OSBP2: variants seen among roughly 807,000 people sequenced by gnomAD.
OSBP2 encodes the protein oxysterol-binding protein 2.
In OSBP2, 66 loss-of-function variants were observed where a neutral mutation model predicts 96.0. That is an observed-to-expected ratio of 0.69 (90% confidence interval 0.56 to 0.84). The LOEUF (loss-of-function observed/expected upper bound fraction) is 0.84. OSBP2 is among the 40% of genes least tolerant of loss of function. The probability of loss-of-function intolerance (pLI) is 0.00; values close to 1 mark genes in which losing one functional copy is unlikely to be tolerated. For missense variants in OSBP2, 1,038 were observed against 1,222.7 expected (o/e 0.85, Z 2.25); for synonymous variants, 525 against 520.9 (o/e 1.01, Z -0.11).
chr22:30,806,139 C>T (rs1245191799), intron 2 of OSBP2, among the ~76,000 whole-genome samples: 1 of 152,190 alleles, frequency 6.6e-6, no homozygotes, highest in Non-Finnish European at 1.5e-5. Context: ...CCTTATTATA[C>T]AAATGAAGAG....
In OSBP2 at chr22:30,905,779, G is replaced by A. The variant is rs1472136864; in HGVS notation, c.2376-58G>A. On this transcript the variant is annotated intron_variant, in intron 12 of 13. Transcript: ENST00000332585. Reference sequence around the variant, plus strand: ...ACCGCCAGGCAGGGGAGGGCGGCCGGGTAGGTGTGGTCCGGCTCACACCGC... The same window carrying A: ...ACCGCCAGGCAGGGGAGGGCGGCCGAGTAGGTGTGGTCCGGCTCACACCGC... 14 of 1,597,636 alleles carry A rather than the reference G, an allele frequency of 8.8e-6. No individual in the cohort carries two copies. The South Asian group carries it at 1.3e-4, about 15-fold the overall frequency.
At chr22:30,898,448 G>A (rs1281139938) in intron 12 of OSBP2, among the ~76,000 whole-genome samples, 1 of 152,128 alleles carries the variant, frequency 6.6e-6, no homozygotes, top group Non-Finnish European at 1.5e-5. Flanking sequence ...ACCAGAGACT[G>A]GGTAATTTAT....
intron 3 of OSBP2, among the ~76,000 whole-genome samples, chr22:30,872,846 G>A (rs532821417): frequency 7.2e-5 from 11 of 152,318 alleles, no homozygotes; most frequent in Non-Finnish European, 1.3e-4. Flanking sequence ...GGCTGTTTGC[G>A]TGGCTCTCAG....
At chr22:30,838,286 G>A (rs1266485294) in intron 2 of OSBP2, among the ~76,000 whole-genome samples, 1 of 152,136 alleles carries the variant, frequency 6.6e-6, no homozygotes, top group Admixed American at 6.6e-5. Context: ...TCCAACTTGT[G>A]TTCCAGTGTT....
At chr22:30,856,667 A>G (rs1057166585) in intron 2 of OSBP2, among the ~76,000 whole-genome samples, 3 of 152,154 alleles carry the variant, frequency 2.0e-5, no homozygotes, top group African/African-American at 7.2e-5. Context: ...GATTACAGGC[A>G]TGAGCCACCA....
chr22:30,727,583 A>G (rs1475530202), intron 1 of OSBP2, among the ~76,000 whole-genome samples: 1 of 152,160 alleles, frequency 6.6e-6, no homozygotes, highest in Non-Finnish European at 1.5e-5. Context: ...TGATACCTGG[A>G]CACTGCATGT....
chr22:30,810,636 C>G (rs915427960), intron 2 of OSBP2, among the ~76,000 whole-genome samples: 1 of 152,188 alleles, frequency 6.6e-6, no homozygotes, highest in African/African-American at 2.4e-5. Context: ...TATACCTGAG[C>G]CCCCGCCCCC....
chr22:30,902,587 T>G lies in OSBP2; in HGVS notation c.2376-3250T>G. 15 of 789,580 alleles carry G rather than the reference T, an allele frequency of 1.9e-5. No homozygotes were observed. The South Asian group carries it at 2.1e-4, about 11-fold the overall frequency. The allele number at this position is 789,580 out of a possible 1,614,324, so 48.9% of individuals were successfully genotyped here. On this transcript the variant is annotated intron_variant, in intron 12 of 13. Transcript: ENST00000332585. The stretch of plus-strand genomic sequence containing the variant: ...ACAGGCCCCCAACTGGGCAGCCACT[T>G]CAGAGATGGTCCTCCCTTCCACGAT...
At chr22:30,827,425 G>C (rs1392532271) in intron 2 of OSBP2, among the ~76,000 whole-genome samples, 1 of 152,174 alleles carries the variant, frequency 6.6e-6, no homozygotes, top group Admixed American at 6.5e-5. Flanking sequence ...TTGGCCTAAG[G>C]TGGTGAGAAT....
At chr22:30,764,010 G>A (rs1366660851) in intron 2 of OSBP2, among the ~76,000 whole-genome samples, 3 of 152,204 alleles carry the variant, frequency 2.0e-5, no homozygotes, top group Admixed American at 1.3e-4. Flanking sequence ...CAGGTTGGCT[G>A]GCTTGCAACA....
chr22:30,872,523 A>C, intron 3 of OSBP2: 2 of 377,688 alleles, frequency 5.3e-6, no homozygotes, highest in South Asian at 2.0e-5. Flanking sequence ...TTTTATGAGA[A>C]GCACAACCCC....
intron 1 of OSBP2, among the ~76,000 whole-genome samples, chr22:30,703,231 T>C (rs565028085): frequency 1.1e-4 from 17 of 152,240 alleles, no homozygotes; most frequent in African/African-American, 4.1e-4. Context: ...TGAAGTGCAG[T>C]GGCAAAATCT....
At chr22:30,884,399 G>C (rs776800586) in intron 3 of OSBP2, among the ~76,000 whole-genome samples, 17 of 152,160 alleles carry the variant, frequency 1.1e-4, no homozygotes, top group Non-Finnish European at 2.4e-4. Context: ...GGGCTCAGAG[G>C]GTCCAAGGGG....
chr22:30,902,043 A>G (rs1174338603), intron 12 of OSBP2, among the ~76,000 whole-genome samples: 1 of 151,678 alleles, frequency 6.6e-6, no homozygotes, highest in Non-Finnish European at 1.5e-5. Context: ...GCATGAAGGA[A>G]TATATACAGT....
At position 30,694,961 on chromosome 22, in the gene OSBP2, C is replaced by T. The variant is rs1308802853; in HGVS notation, c.52C>T (p.Arg18Cys). Residue 18 changes from arginine to cysteine, a missense_variant, in exon 1 of 14, where the codon CGC (arginine) becomes TGC (cysteine). Around this residue, in one of 3 missense-constraint regions of OSBP2, gnomAD observed 20 missense variants for 36.0 expected, o/e 0.55. Coordinates refer to ENST00000332585, the MANE Select transcript of OSBP2 (RefSeq NM_030758.4). ...AGGCGGCGGCTGTGGCGGCCGCTCC[C>T]GCGGGCTCTCGTCGCTGTTCACGGT... ...SRGGGCGGRS[R>C]GLSSLFTVVP... 2.7e-6 allele frequency: 4 copies of T among 1,493,316 alleles called. No individual in the cohort carries two copies. The highest frequency in any genetic ancestry group is 3.5e-6 in the Non-Finnish European group (4 of 1,129,156). The allele number at this position is 1,493,316 out of a possible 1,614,324, so 92.5% of individuals were successfully genotyped here. A position where few individuals can be genotyped will look rare whatever the true frequency, so the allele number is the denominator to read the frequency against.
chr22:30,773,403 G>A (rs192868798), intron 2 of OSBP2, among the ~76,000 whole-genome samples: 11 of 152,238 alleles, frequency 7.2e-5, no homozygotes, highest in African/African-American at 2.2e-4. Flanking sequence ...AGCTTCCCAC[G>A]TAGTGGAAAG....
intron 1 of OSBP2, among the ~76,000 whole-genome samples, chr22:30,730,727 T>A (rs1195751199): frequency 1.5e-4 from 3 of 19,524 alleles, no homozygotes; most frequent in Admixed American, 8.7e-4. Flanking sequence ...TCTCTCTCTC[T>A]CTCTCTCTCT....
intron 3 of OSBP2, among the ~76,000 whole-genome samples, chr22:30,874,907 C>T (rs923607777): frequency 6.6e-5 from 10 of 152,186 alleles, no homozygotes; most frequent in African/African-American, 4.8e-5. Context: ...CCCAGGCATA[C>T]GACCACGTGG....
chr22:30,817,066 AT>A (rs1371560791), intron 2 of OSBP2, among the ~76,000 whole-genome samples: 1 of 152,214 alleles, frequency 6.6e-6, no homozygotes, highest in African/African-American at 2.4e-5. Context: ...AAAATAATCA[AT>A]GATAAATGGA....
Sources: allele counts gnomAD v4.1 joint callset (sites outside exome capture counted in the v4.1 genomes callset), GRCh38; gene constraint gnomAD v4.1.1; regional missense constraint gnomAD v4.1.1; transcripts MANE v1.5; gene names NCBI Gene and HGNC (gene_info 2026-07-23, HGNC 2026-07-21).